CPLX2: variants seen among roughly 807,000 people sequenced by gnomAD.
CPLX2 encodes complexin 2, also known as complexin-2.
CPLX2 carries 5 observed loss-of-function variants against 16.3 expected under a neutral mutation model. The observed-to-expected ratio is 0.31, with a 90% CI of 0.16 to 0.64. The LOEUF (loss-of-function observed/expected upper bound fraction) is 0.64, where lower values mean the gene tolerates loss of function less well. Ranked by LOEUF, CPLX2 falls within the 30% of genes least tolerant of loss-of-function variation. The pLI is 0.79. For missense variants in CPLX2, 144 were observed against 181.4 expected, an observed-to-expected ratio of 0.79 and a Z score of 1.18; for synonymous variants, 89 against 73.2, an observed-to-expected ratio of 1.22 and a Z score of -1.10.
intron 2 of CPLX2, among the ~76,000 whole-genome samples, chr5:175,843,181 C>T (rs573088507): frequency 3.3e-4 from 50 of 152,326 alleles, no homozygotes; most frequent in Non-Finnish European, 5.9e-4. Context: ...GGCAGCCAGA[C>T]GGGGTCAGCT....
At chr5:175,831,516 G>C (rs916442323) in intron 2 of CPLX2, among the ~76,000 whole-genome samples, 1 of 152,214 alleles carries the variant, frequency 6.6e-6, no homozygotes, top group South Asian at 2.1e-4. Context: ...TGACTTGGCT[G>C]CTGAGAGGGG....
chr5:175,804,613 G>T (rs1758161104), intron 1 of CPLX2, among the ~76,000 whole-genome samples: 1 of 152,178 alleles, frequency 6.6e-6, no homozygotes, highest in African/African-American at 2.4e-5. Context: ...CCACGGACCG[G>T]CAACATCAAC....
upstream of CPLX2, among the ~76,000 whole-genome samples, chr5:175,868,408 C>A (rs1354811791): frequency 6.6e-6 from 1 of 152,186 alleles, no homozygotes; most frequent in Non-Finnish European, 1.5e-5. Flanking sequence ...ACATTCAAGG[C>A]ATATACATAA....
At chr5:175,866,360 G>C (rs1759476830) in intron 2 of CPLX2, among the ~76,000 whole-genome samples, 1 of 152,194 alleles carries the variant, frequency 6.6e-6, no homozygotes, top group African/African-American at 2.4e-5. Flanking sequence ...TCATAAATGA[G>C]AGTTGGAAAA....
intron 2 of CPLX2, among the ~76,000 whole-genome samples, chr5:175,854,323 C>T (rs1759211146): frequency 6.6e-6 from 1 of 152,186 alleles, no homozygotes; most frequent in African/African-American, 2.4e-5. Flanking sequence ...TTCCTGCCAC[C>T]CTTGCTGCCT....
At chr5:175,879,193 A>C in intron 3 of CPLX2, 110 bp downstream of exon 3, 1 of 1,178,940 alleles carries the variant, frequency 8.5e-7, no homozygotes, top group East Asian at 2.6e-5. Flanking sequence ...CCTTCGCCCT[A>C]GTTCTGAGCC....
intron 2 of CPLX2, among the ~76,000 whole-genome samples, chr5:175,853,849 T>C (rs1425696494): frequency 6.6e-6 from 1 of 152,158 alleles, no homozygotes; most frequent in African/African-American, 2.4e-5. Context: ...TGGAGTGCGA[T>C]TGCTGCAATG....
chr5:175,810,233 A>G (rs569431085), intron 2 of CPLX2, among the ~76,000 whole-genome samples: 2 of 152,164 alleles, frequency 1.3e-5, no homozygotes, highest in Non-Finnish European at 2.9e-5. Context: ...CATCTTGTCC[A>G]ATTCCTTCAT....
At chr5:175,801,383 G>C (rs1199067301) in intron 1 of CPLX2, among the ~76,000 whole-genome samples, 2 of 152,174 alleles carry the variant, frequency 1.3e-5, no homozygotes, top group East Asian at 1.9e-4. Context: ...GAAGATTTAA[G>C]TCAGCCTGGG....
chr5:175,874,470 C>G (rs1042741903), intron 1 of CPLX2, among the ~76,000 whole-genome samples: 1 of 152,160 alleles, frequency 6.6e-6, no homozygotes, highest in Non-Finnish European at 1.5e-5. Flanking sequence ...GCACCCAGAA[C>G]AGTGTCTGGC....
chr5:175,875,101 T>C (rs1759727321), intron 1 of CPLX2, among the ~76,000 whole-genome samples: 1 of 152,146 alleles, frequency 6.6e-6, no homozygotes, highest in South Asian at 2.1e-4. Flanking sequence ...TCAGGGCTCC[T>C]GCAGAGGCAG....
upstream of CPLX2, chr5:175,871,433 C>CAGAGAGAGAGAGAGAGAAAGAGAGAG (rs1759598803): frequency 1.6e-3 from 44 of 27,530 alleles, 6 homozygotes; most frequent in African/African-American, 6.4e-3. Context: ...GAGAGAGAGA[C>CAGAGAGAGAGAGAGAGAAAGAGAGAG]AGAGAGAGAG....
rs1476548063 is a variant in CPLX2, at chr5:175,879,995, A to G, written c.355A>G (p.Thr119Ala). 1.2e-6 allele frequency: 2 copies of G among 1,614,040 alleles called. No individual in the cohort carries two copies. The highest frequency in any genetic ancestry group is 1.7e-5 in the Admixed American group (1 of 60,018). The change falls in exon 4 of 4, where the codon ACG becomes GCG. Residue 119 changes from threonine (T) to alanine (A), a missense_variant. Physicochemically the swap from Thr to Ala is moderately conservative, Grantham distance 58 (BLOSUM62 0). Coordinates refer to ENST00000393745, the MANE Select transcript of CPLX2 (RefSeq NM_001008220.2). The stretch of plus-strand genomic sequence containing the variant: ...GGAGGAAGAGGAGAGCATCCTGGAC[A>G]CGGTGCTCAAATACCTGCCCGGGCC... ...EEEEEESILD[T>A]VLKYLPGPLQ...
In CPLX2 at chr5:175,845,803, C is replaced by T. The variant is rs1050661403; in HGVS notation, c.-88-32849C>T. ...AGATAACAGAGGCAGAACTTACACCCAGGCCTTTGGGCTGCTAAGGGCAAA... is the reference window on the plus strand; with the variant it reads ...AGATAACAGAGGCAGAACTTACACCTAGGCCTTTGGGCTGCTAAGGGCAAA... On this transcript the variant is annotated intron_variant, in intron 2 of 4. Coordinates refer to the CPLX2 transcript ENST00000359546. The surrounding 1 kb of genome is among the most constrained non-coding windows in gnomAD (Gnocchi z 4.0). Among the ~76,000 whole-genome samples, 2 of 152,100 alleles carry T rather than the reference C, an allele frequency of 1.3e-5. No individual in the cohort carries two copies. Among genetic ancestry groups the T allele is most frequent in the Admixed American group, 1.3e-4 (2 of 15,272 alleles).
In CPLX2 at chr5:175,806,866, CTTAG is replaced by C. The variant is rs139227200; in HGVS notation, c.-168-2119_-168-2116del. Among the ~76,000 whole-genome samples, 15 of 152,282 alleles carry C rather than the reference CTTAG, an allele frequency of 9.9e-5. No homozygotes were observed. In the East Asian group the frequency reaches 2.1e-3, roughly 22 times the overall value. ...AGACCTTGGCAGAGTCATTCTCCTA[CTTAG>C]TTACTCACGGGTTTCCACTGTGCGA... is the stretch of plus-strand genomic sequence containing the variant. On this transcript the variant is annotated intron_variant, in intron 1 of 4. Transcript: ENST00000359546.
chr5:175,864,074 G>A (rs1759422240), intron 2 of CPLX2, among the ~76,000 whole-genome samples: 1 of 152,178 alleles, frequency 6.6e-6, no homozygotes, highest in East Asian at 1.9e-4. Flanking sequence ...CCTTGCCTGG[G>A]TGTTGGAGAG....
At chr5:175,866,987 A>T (rs1261639649), upstream of CPLX2, among the ~76,000 whole-genome samples, 3 of 152,150 alleles carry the variant, frequency 2.0e-5, no homozygotes, top group East Asian at 5.8e-4. Context: ...GCTGAGGTGG[A>T]TCACTTGAGC....
In CPLX2 at chr5:175,803,309, C is replaced by T. The variant is rs114503505; in HGVS notation, c.-168-5680C>T. On this transcript the variant is annotated intron_variant, in intron 1 of 4. Transcript: ENST00000359546. The stretch of plus-strand genomic sequence containing the variant: ...GAGACAGGGAAGACGAAGACAAGGA[C>T]CATGCCTCTATGGAGCTCACTTTCT... Among the ~76,000 whole-genome samples the T allele has an allele frequency of 2.5e-3, 385 of 152,310 alleles. 4 individuals carry two copies. Among genetic ancestry groups the T allele is most frequent in the African/African-American group, 7.8e-3 (324 of 41,574 alleles).
Position 175,882,582 on chromosome 5 carries a change from T to C in CPLX2, c.*2537T>C, listed in dbSNP as rs1755646818. The C allele has an allele frequency of 6.5e-6, 1 of 152,694 alleles. No individual in the cohort carries two copies. The highest frequency in any genetic ancestry group is 1.5e-5 in the Non-Finnish European group (1 of 68,076). 9.5% of individuals were successfully genotyped at this position (152,694 alleles called of 1,614,324 possible). On this transcript the variant is annotated 3_prime_UTR_variant, in exon 4 of 4. Transcript: ENST00000393745. ...TTCTCCACAGTGCAGTCCCTCTGTA[T>C]TCCCAGAGTGGGATCGGGGCTTTCA... is the stretch of plus-strand genomic sequence containing the variant.
Sources: gnomAD v4.1 joint callset for allele counts (sites outside exome capture counted in the v4.1 genomes callset) on GRCh38, gnomAD v4.1.1 for gene constraint, Gnocchi (gnomAD v3.1) non-coding constraint, MANE v1.5 for transcripts, NCBI Gene and HGNC (gene_info 2026-07-23, HGNC 2026-07-21) for gene names.